SPMIP4: variants seen among roughly 807,000 people sequenced by gnomAD.
SPMIP4 encodes the protein sperm-associated microtubule inner protein 4.
the SPMIP4 span, among the ~76,000 whole-genome samples, chr7:25,178,593 A>G: frequency 2.6e-5 from 4 of 152,178 alleles, no homozygotes; most frequent in African/African-American, 9.7e-5. Context: ...TAATTTCCCA[A>G]TGAAGGAACG....
chr7:25,126,919 T>C, the SPMIP4 span, among the ~76,000 whole-genome samples: 1 of 152,208 alleles, frequency 6.6e-6, no homozygotes, highest in Non-Finnish European at 1.5e-5. Context: ...AAAGTCTTTA[T>C]TTCTCCCTCA....
chr7:25,173,475 G>A, the SPMIP4 span, among the ~76,000 whole-genome samples: 4 of 152,216 alleles, frequency 2.6e-5, no homozygotes, highest in East Asian at 1.9e-4. This position sits in a 1 kb window ranked among gnomAD's most constrained non-coding sequence, Gnocchi z 4.4. Context: ...GACAGAGACC[G>A]TAAAGCCTAC....
chr7:25,149,860 C>T, the SPMIP4 span, among the ~76,000 whole-genome samples: 2 of 152,130 alleles, frequency 1.3e-5, no homozygotes, highest in Non-Finnish European at 2.9e-5. Flanking sequence ...TGAATTGAAG[C>T]TCAGAAAAGG....
the SPMIP4 span, among the ~76,000 whole-genome samples, chr7:25,151,383 G>A: frequency 2.6e-5 from 4 of 151,756 alleles, no homozygotes; most frequent in Admixed American, 6.6e-5. Context: ...CACCACACCC[G>A]GCTAATTTTT....
At chr7:25,180,088 G>A in the SPMIP4 span, 1 of 152,156 alleles carries the variant, frequency 6.6e-6, no homozygotes, top group Non-Finnish European at 1.5e-5. Flanking sequence ...CGGTGGAGCT[G>A]GCAGGCAGGG....
At chr7:25,175,242 C>T in the SPMIP4 span, among the ~76,000 whole-genome samples, 1 of 152,006 alleles carries the variant, frequency 6.6e-6, no homozygotes, top group Non-Finnish European at 1.5e-5. Flanking sequence ...GCCGTGTCAC[C>T]TATTTTTGTA....
chr7:25,153,578 GTGT>G, the SPMIP4 span, among the ~76,000 whole-genome samples: 1 of 135,868 alleles, frequency 7.4e-6, no homozygotes, highest in Non-Finnish European at 1.6e-5. Flanking sequence ...AAAAAAAAAA[GTGT>G]TGTTATGAAT....
At chr7:25,175,824 A>G in the SPMIP4 span, among the ~76,000 whole-genome samples, 1 of 152,206 alleles carries the variant, frequency 6.6e-6, no homozygotes, top group Non-Finnish European at 1.5e-5. Flanking sequence ...GATAGAACAG[A>G]GTTACCACCA....
chr7:25,157,355 G>T, the SPMIP4 span, among the ~76,000 whole-genome samples: 1 of 152,156 alleles, frequency 6.6e-6, no homozygotes, highest in Non-Finnish European at 1.5e-5. Context: ...CCTTAAGTGT[G>T]GGCTGCACAC....
the SPMIP4 span, among the ~76,000 whole-genome samples, chr7:25,145,697 T>G: frequency 6.6e-6 from 1 of 152,252 alleles, no homozygotes; most frequent in African/African-American, 2.4e-5. Flanking sequence ...GAATTTGGAA[T>G]ATATTCTCAG....
At chr7:25,130,063 C>A in the SPMIP4 span, among the ~76,000 whole-genome samples, 1 of 151,642 alleles carries the variant, frequency 6.6e-6, no homozygotes, top group African/African-American at 2.4e-5. Flanking sequence ...CATGGTGAAA[C>A]CCCGTCTCTA....
the SPMIP4 span, among the ~76,000 whole-genome samples, chr7:25,153,084 G>A: frequency 6.6e-6 from 1 of 152,082 alleles, no homozygotes; most frequent in African/African-American, 2.4e-5. Flanking sequence ...AAAATAAGTG[G>A]AAGAGTAGAA....
At chr7:25,142,380 G>T in the SPMIP4 span, 2 of 1,357,346 alleles carry the variant, frequency 1.5e-6, no homozygotes, top group South Asian at 1.2e-5. Context: ...AACGAAGAAC[G>T]ACAGTTATAT....
the SPMIP4 span, among the ~76,000 whole-genome samples, chr7:25,130,111 T>C: frequency 6.6e-6 from 1 of 151,780 alleles, no homozygotes; most frequent in African/African-American, 2.4e-5. Flanking sequence ...TGGTGGTGCA[T>C]GCCTGTAATC....
the SPMIP4 span, chr7:25,142,828 A>C: frequency 6.7e-7 from 1 of 1,495,694 alleles, no homozygotes; most frequent in East Asian, 2.5e-5. Context: ...AAATATGAAC[A>C]TAAAGATTAC....
chr7:25,152,459 C>A, the SPMIP4 span, among the ~76,000 whole-genome samples: 1 of 152,128 alleles, frequency 6.6e-6, no homozygotes, highest in South Asian at 2.1e-4. Context: ...TTACCATGTG[C>A]CAGTCACTGT....
chr7:25,135,477 A>G, the SPMIP4 span: 10 of 985,996 alleles, frequency 1.0e-5, no homozygotes, highest in African/African-American at 3.5e-5. Context: ...CCATCCCTCA[A>G]TTAACTAGGT....
At chr7:25,142,619 T>C in the SPMIP4 span, 56 of 1,572,662 alleles carry the variant, frequency 3.6e-5, no homozygotes, top group African/African-American at 7.2e-4. Flanking sequence ...AATTTTTACT[T>C]GTATGAAAGT....
At chr7:25,130,245 CA>C in the SPMIP4 span, among the ~76,000 whole-genome samples, 7,124 of 136,128 alleles carry the variant, frequency 0.052, 602 homozygotes, top group African/African-American at 0.2. Flanking sequence ...CTCCGCATCT[CA>C]AAAAAACAAA....
Sources: allele counts gnomAD v4.1 joint callset (sites outside exome capture counted in the v4.1 genomes callset), GRCh38; gene constraint gnomAD v4.1.1; non-coding constraint Gnocchi (gnomAD v3.1); transcripts MANE v1.5; gene names NCBI Gene and HGNC (gene_info 2026-07-23, HGNC 2026-07-21).